ARHGAP19: variants seen among roughly 807,000 people sequenced by gnomAD.
The protein encoded by ARHGAP19 is Rho GTPase activating protein 19.
Under a neutral mutation model 60.9 loss-of-function variants are expected in ARHGAP19, and 48 were observed. That is an observed-to-expected ratio of 0.79 (90% CI 0.62 to 1.00). The LOEUF is 1.00. Ranked by LOEUF, ARHGAP19 falls within the 50% of genes least tolerant of loss-of-function variation. ARHGAP19 has a pLI of 0.00. For synonymous variants in ARHGAP19, 209 were observed against 215.5 expected (o/e 0.97, Z 0.27); for missense variants, 562 against 597.2 (o/e 0.94, Z 0.61).
Position 97,257,930 on chromosome 10 carries a change from A to C in ARHGAP19, c.840+1472T>G, listed in dbSNP as rs1283953272. On this transcript the variant is annotated intron_variant, in intron 5 of 11. Coordinates refer to ENST00000358531, the MANE Select transcript of ARHGAP19 (RefSeq NM_032900.6). ...GGTATGTAGTAAAGCTATTACAGTAAGTCCTCACTTAAGGCATCAATAGGT... is the reference window on the plus strand; with the variant it reads ...GGTATGTAGTAAAGCTATTACAGTACGTCCTCACTTAAGGCATCAATAGGT... 3.9e-5 allele frequency among the ~76,000 whole-genome samples: 6 copies of C among 152,306 alleles called. No homozygotes were observed. The East Asian group carries it at 1.2e-3, about 29-fold the overall frequency.
chr10:97,274,526 T>C (rs964311172), intron 1 of ARHGAP19, among the ~76,000 whole-genome samples: 3 of 151,630 alleles, frequency 2.0e-5, no homozygotes, highest in South Asian at 2.1e-4. Context: ...CACTGAGCTA[T>C]GCGAAAAGGG....
In ARHGAP19 at chr10:97,259,465, C is replaced by T. The variant is rs1210853386; in HGVS notation, c.777G>A (p.Lys259=). The part of the protein sequence containing the change: ...LLYQTAKKQD[K]NKMSAYNLAL... ...CAAGGTTATAGGCTGACATCTTGTT[C>T]TTGTCTTGTTTCTTTGCTGTCTGGT... The change falls in exon 5 of 12, where the codon AAG becomes AAA. Residue 259 remains lysine (K), a synonymous_variant. Transcript: ENST00000358531. 2 of 1,614,138 alleles carry T rather than the reference C, an allele frequency of 1.2e-6. No homozygotes were observed. The highest frequency in any genetic ancestry group is 3.3e-5 in the Admixed American group (2 of 60,020).
At chr10:97,245,595 C>CAAAAA (rs397845381) in intron 7 of ARHGAP19, among the ~76,000 whole-genome samples, 22 of 112,348 alleles carry the variant, frequency 2.0e-4, no homozygotes, top group South Asian at 3.0e-4. Flanking sequence ...AACCCTATCT[C>CAAAAA]AAAAAAAAAA....
chr10:97,243,179 C>T (rs746676140), intron 8 of ARHGAP19, among the ~76,000 whole-genome samples: 3 of 152,112 alleles, frequency 2.0e-5, no homozygotes, highest in Non-Finnish European at 4.4e-5. Flanking sequence ...GCTCAGTTCA[C>T]CATTATCTGA....
chr10:97,276,788 G>C (rs1475371369), intron 1 of ARHGAP19, among the ~76,000 whole-genome samples: 4 of 7,436 alleles, frequency 5.4e-4, no homozygotes, highest in African/African-American at 5.9e-4. Flanking sequence ...GAAGAGAGGA[G>C]CCCCTCTGCC....
Position 97,292,501 on chromosome 10 carries a change from C to T in ARHGAP19, c.56+71G>A. On this transcript the variant is annotated intron_variant, in intron 1 of 11. Transcript: ENST00000358531. ...AGCCCGAACCGTGCGCCTCCGTGAC[C>T]CAAGGCAAAGGCGGCAGGACTACCA... The T allele has an allele frequency of 1.9e-6, 3 of 1,580,544 alleles. No homozygotes were observed. In the South Asian group the frequency reaches 3.3e-5, roughly 18 times the overall value.
intron 6 of ARHGAP19, among the ~76,000 whole-genome samples, chr10:97,252,215 C>T (rs555821110): frequency 6.6e-6 from 1 of 151,918 alleles, no homozygotes; most frequent in Non-Finnish European, 1.5e-5. Context: ...TGGTGGCATG[C>T]GCCTGTGGTC....
chr10:97,233,316 TA>T (rs1308443254), intron 9 of ARHGAP19, among the ~76,000 whole-genome samples: 1 of 151,666 alleles, frequency 6.6e-6, no homozygotes, highest in African/African-American at 2.4e-5. Flanking sequence ...GTGCCACTTG[TA>T]CTTCAGCCTG....
chr10:97,245,532 G>A (rs1379452564), intron 7 of ARHGAP19, among the ~76,000 whole-genome samples: 1 of 145,374 alleles, frequency 6.9e-6, no homozygotes, highest in Non-Finnish European at 1.5e-5. Context: ...TGAGGTGAGA[G>A]AACCAGGGAG....
intron 5 of ARHGAP19, 89 bp from the exon 6 acceptor site, chr10:97,256,493 T>A (rs1842754358): frequency 4.2e-6 from 4 of 959,594 alleles, no homozygotes; most frequent in Non-Finnish European, 6.6e-6. Flanking sequence ...ATGTATGAAG[T>A]TTCTATCCCT....
At chr10:97,236,231 C>T (rs1842376057) in intron 8 of ARHGAP19, among the ~76,000 whole-genome samples, 1 of 152,160 alleles carries the variant, frequency 6.6e-6, no homozygotes, top group Non-Finnish European at 1.5e-5. Context: ...CCCACCTCGG[C>T]CTACCAAAGT....
chr10:97,226,907 TA>T (rs1850907321), intron 11 of ARHGAP19, among the ~76,000 whole-genome samples: 1 of 152,216 alleles, frequency 6.6e-6, no homozygotes, highest in East Asian at 1.9e-4. Flanking sequence ...AAGTAGGTGC[TA>T]AATCAGTGGT....
At chr10:97,292,386 G>T (rs1271437397) in intron 1 of ARHGAP19, among the ~76,000 whole-genome samples, 186 bp downstream of exon 1, 2 of 152,234 alleles carry the variant, frequency 1.3e-5, no homozygotes, top group Non-Finnish European at 2.9e-5. Context: ...CGAGCGGGGG[G>T]TTTGGCTGGA....
At chr10:97,291,904 T>C (rs1439401943) in intron 1 of ARHGAP19, among the ~76,000 whole-genome samples, 1 of 152,050 alleles carries the variant, frequency 6.6e-6, no homozygotes, top group African/African-American at 2.4e-5. Flanking sequence ...GGAAAGAACA[T>C]CCTGTGGAAA....
intron 8 of ARHGAP19, among the ~76,000 whole-genome samples, chr10:97,240,018 T>C (rs1190391368): frequency 6.6e-6 from 1 of 151,970 alleles, no homozygotes; most frequent in Non-Finnish European, 1.5e-5. Flanking sequence ...TGTACTAATG[T>C]TAATTTCTTA....
chr10:97,274,444 A>C (rs912145065), intron 1 of ARHGAP19, among the ~76,000 whole-genome samples: 11 of 151,408 alleles, frequency 7.3e-5, no homozygotes, highest in African/African-American at 2.7e-4. Context: ...TAGCCTGGGC[A>C]ACAGAGCAAG....
chr10:97,256,648 A>C (rs1162895723), intron 5 of ARHGAP19: 3 of 355,044 alleles, frequency 8.4e-6, no homozygotes, highest in Non-Finnish European at 1.5e-5. Context: ...CTGCTTGAAA[A>C]TTAGACATGT....
At position 97,243,967 on chromosome 10, in the gene ARHGAP19, C is replaced by T. The variant is rs189392461; in HGVS notation, c.1185+1G>A. 1 of 1,602,552 alleles carries T rather than the reference C, an allele frequency of 6.2e-7. No individual in the cohort carries two copies. The highest frequency in any genetic ancestry group is 8.5e-7 in the Non-Finnish European group (1 of 1,174,876). On this transcript the variant is annotated splice_donor_variant, in intron 8 of 11. Coordinates refer to ENST00000358531, the MANE Select transcript of ARHGAP19 (RefSeq NM_032900.6). LOFTEE classifies it high-confidence loss of function. ...ATCACAACTTCCCTGCCTTTAGGCA[C>T]CTGTCTAATAAGTTGTTTCTTCTTT...
intron 10 of ARHGAP19, 131 bp downstream of exon 10, chr10:97,229,633 A>G: frequency 1.5e-6 from 1 of 665,406 alleles, no homozygotes; most frequent in Non-Finnish European, 2.6e-6. Flanking sequence ...AGGTAGCATA[A>G]ATGAAAGGAT....
Sources: allele counts gnomAD v4.1 joint callset (sites outside exome capture counted in the v4.1 genomes callset), GRCh38; gene constraint gnomAD v4.1.1; transcripts MANE v1.5; gene names NCBI Gene and HGNC (gene_info 2026-07-23, HGNC 2026-07-21).